Variants in PGPEP1L observed in about 807,000 individuals in gnomAD.
PGPEP1L encodes the protein pyroglutamyl-peptidase 1-like protein.
A neutral mutation model predicts 6.0 loss-of-function variants in PGPEP1L; 7 were observed. The observed-to-expected ratio is 1.17, with a 90% CI of 0.66 to 2.19. The LOEUF (loss-of-function observed/expected upper bound fraction) is 2.19. PGPEP1L is among the 30% of genes most tolerant of loss of function. The pLI, the probability that PGPEP1L is intolerant of heterozygous loss-of-function variation, is 0.00. For synonymous variants in PGPEP1L, 103 were observed against 83.9 expected (o/e 1.23, Z -1.24); for missense variants, 209 against 192.5 (o/e 1.09, Z -0.51).
intron 2 of PGPEP1L, among the ~76,000 whole-genome samples, chr15:98,992,431 T>A (rs1274847250): frequency 6.6e-6 from 1 of 152,162 alleles, no homozygotes; most frequent in Admixed American, 6.5e-5. Flanking sequence ...GTCAAACCAC[T>A]GCTCAAGGAA....
At chr15:98,975,874 C>CT (rs1274173701) in intron 2 of PGPEP1L, among the ~76,000 whole-genome samples, 1 of 151,910 alleles carries the variant, frequency 6.6e-6, no homozygotes, top group Non-Finnish European at 1.5e-5. Flanking sequence ...GAGCGAGACT[C>CT]TGTCTCAAAA....
chr15:98,985,960 G>A (rs919150609), intron 2 of PGPEP1L, among the ~76,000 whole-genome samples: 11 of 152,172 alleles, frequency 7.2e-5, no homozygotes, highest in Non-Finnish European at 1.0e-4. Context: ...TCCTCATTAT[G>A]TTGCTTTCTT....
intron 2 of PGPEP1L, among the ~76,000 whole-genome samples, chr15:99,003,204 A>T (rs1596530004): frequency 2.0e-5 from 1 of 48,872 alleles, no homozygotes; most frequent in Non-Finnish European, 3.3e-5. Context: ...TAGTGAGATT[A>T]AAAAAAAAAA....
intron 2 of PGPEP1L, 28 bp from the exon 3 acceptor site, chr15:98,971,186 T>G (rs1355698262): frequency 2.9e-5 from 17 of 577,966 alleles, no homozygotes; most frequent in African/African-American, 4.8e-5. Flanking sequence ...TGGACTTGCC[T>G]CAGTTGATGG....
At chr15:98,971,733 T>A (rs1020803094) in intron 2 of PGPEP1L, among the ~76,000 whole-genome samples, 2 of 152,140 alleles carry the variant, frequency 1.3e-5, no homozygotes, top group African/African-American at 4.8e-5. Context: ...CTGGCACAAG[T>A]AAGAAAACAC....
At chr15:98,972,871 T>A (rs1362130241) in intron 2 of PGPEP1L, among the ~76,000 whole-genome samples, 1 of 36,808 alleles carries the variant, frequency 2.7e-5, no homozygotes, top group African/African-American at 1.4e-4. Context: ...AGACTCCGTC[T>A]CAAAAAAAAA....
intron 2 of PGPEP1L, among the ~76,000 whole-genome samples, chr15:98,976,705 G>T (rs1225060898): frequency 6.6e-6 from 1 of 152,214 alleles, no homozygotes; most frequent in Admixed American, 6.5e-5. Context: ...CCTGAGCACG[G>T]TGAGCTGGCT....
intron 2 of PGPEP1L, among the ~76,000 whole-genome samples, chr15:98,985,080 A>G (rs1223433237): frequency 1.3e-5 from 2 of 152,144 alleles, no homozygotes; most frequent in African/African-American, 2.4e-5. Context: ...AGTGCAGTCT[A>G]TGTCTAAGGC....
chr15:98,970,659 G>A (rs928240783), intron 3 of PGPEP1L, among the ~76,000 whole-genome samples: 4 of 152,068 alleles, frequency 2.6e-5, no homozygotes, highest in South Asian at 4.1e-4. Context: ...CCTCCCAGTC[G>A]CTCCCTGGGC....
intron 2 of PGPEP1L, among the ~76,000 whole-genome samples, chr15:98,991,389 C>A (rs1255700067): frequency 6.6e-6 from 1 of 151,930 alleles, no homozygotes; most frequent in Non-Finnish European, 1.5e-5. Context: ...ACACATACAC[C>A]CTCCCAAGAT....
chr15:99,002,420 T>C (rs2017985962), intron 2 of PGPEP1L, among the ~76,000 whole-genome samples: 1 of 152,148 alleles, frequency 6.6e-6, no homozygotes, highest in African/African-American at 2.4e-5. Flanking sequence ...GTGAGCTTTG[T>C]GGTGATGGTA....
intron 2 of PGPEP1L, among the ~76,000 whole-genome samples, chr15:98,994,806 A>AT (rs2017865836): frequency 1.3e-5 from 2 of 151,810 alleles, no homozygotes; most frequent in African/African-American, 4.8e-5. Flanking sequence ...TCTTTGCTTC[A>AT]TTTTTCATGT....
chr15:98,986,752 G>C (rs531468956), intron 2 of PGPEP1L, among the ~76,000 whole-genome samples: 1 of 152,186 alleles, frequency 6.6e-6, no homozygotes, highest in Non-Finnish European at 1.5e-5. Flanking sequence ...GCTAACTCCA[G>C]ATAATTAGTG....
chr15:98,971,327 A>G (rs1285565545), intron 2 of PGPEP1L, among the ~76,000 whole-genome samples, 169 bp from the exon 3 acceptor site: 1 of 152,000 alleles, frequency 6.6e-6, no homozygotes, highest in East Asian at 1.9e-4. Flanking sequence ...GAAGAGAGCC[A>G]CAGTTCCTAC....
chr15:98,994,403 C>A (rs960877502), intron 2 of PGPEP1L, among the ~76,000 whole-genome samples: 2 of 152,124 alleles, frequency 1.3e-5, no homozygotes, highest in African/African-American at 4.8e-5. Context: ...CCTGTAATCC[C>A]AGCACTTTGG....
intron 2 of PGPEP1L, among the ~76,000 whole-genome samples, chr15:98,981,604 T>C (rs539764232): frequency 6.6e-6 from 1 of 151,386 alleles, no homozygotes; most frequent in Non-Finnish European, 1.5e-5. Context: ...ATGAATGTGG[T>C]GTTCTGGCTG....
At chr15:98,976,239 A>G (rs919335818) in intron 2 of PGPEP1L, among the ~76,000 whole-genome samples, 1 of 152,318 alleles carries the variant, frequency 6.6e-6, no homozygotes, top group Non-Finnish European at 1.5e-5. Flanking sequence ...CATCAATGTT[A>G]TACATATTTT....
intron 2 of PGPEP1L, among the ~76,000 whole-genome samples, chr15:98,981,697 C>T (rs751259829): frequency 6.6e-6 from 1 of 152,098 alleles, no homozygotes. Flanking sequence ...GTAATATATT[C>T]CTACTGGTTC....
intron 2 of PGPEP1L, among the ~76,000 whole-genome samples, chr15:98,991,230 A>G (rs1275637361): frequency 2.0e-5 from 3 of 152,160 alleles, no homozygotes; most frequent in Non-Finnish European, 2.9e-5. Flanking sequence ...TAATAAAGAA[A>G]AGAGAGAAGA....
Sources: gnomAD v4.1 joint callset for allele counts (sites outside exome capture counted in the v4.1 genomes callset) on GRCh38, gnomAD v4.1.1 for gene constraint, MANE v1.5 for transcripts, NCBI Gene and HGNC (gene_info 2026-07-23, HGNC 2026-07-21) for gene names.